TRAK1: variants seen among roughly 807,000 people sequenced by gnomAD.
The protein encoded by TRAK1 is trafficking kinesin-binding protein 1.
A neutral mutation model predicts 92.1 loss-of-function variants in TRAK1; 33 were observed. The ratio of observed to expected loss-of-function variants is 0.36; its 90% CI spans 0.27 to 0.48. The LOEUF is 0.48. Ranked by LOEUF, TRAK1 falls within the 20% of genes least tolerant of loss-of-function variation. The probability of loss-of-function intolerance (pLI) is 0.99; values close to 1 mark genes in which losing one functional copy is unlikely to be tolerated. For synonymous variants in TRAK1, 521 were observed against 517.3 expected, an observed-to-expected ratio of 1.01 and a Z score of -0.10; for missense variants, 1,123 against 1,257.9, an observed-to-expected ratio of 0.89 and a Z score of 1.62.
intron 14 of TRAK1, chr3:42,210,268 A>G: frequency 2.0e-6 from 3 of 1,521,714 alleles, no homozygotes; most frequent in Non-Finnish European, 2.6e-6. Context: ...TGATTAAAGC[A>G]TTCTCATTGC....
At chr3:42,130,587 G>A (rs903439987) in intron 2 of TRAK1, among the ~76,000 whole-genome samples, 1 of 152,058 alleles carries the variant, frequency 6.6e-6, no homozygotes, top group South Asian at 2.1e-4. Context: ...AACATCTCCT[G>A]GACTATTTAT....
chr3:42,134,367 T>G (rs1478088808), intron 2 of TRAK1, among the ~76,000 whole-genome samples: 1 of 151,186 alleles, frequency 6.6e-6, no homozygotes, highest in Non-Finnish European at 1.5e-5. Flanking sequence ...AGCCTTGACC[T>G]CTTGGCCTCA....
intron 1 of TRAK1, among the ~76,000 whole-genome samples, chr3:42,094,188 C>T (rs559629695): frequency 3.8e-4 from 58 of 152,288 alleles, no homozygotes; most frequent in African/African-American, 1.3e-3. Context: ...CTGGGAGTGA[C>T]TGAGAGGATT....
chr3:42,083,732 G>C (rs370544300), upstream of TRAK1, among the ~76,000 whole-genome samples: 182 of 152,126 alleles, frequency 1.2e-3, no homozygotes, highest in African/African-American at 4.2e-3. Context: ...AAAATTAGCC[G>C]GGTATGGTGG....
At chr3:42,178,939 C>T (rs1325238639) in intron 3 of TRAK1, among the ~76,000 whole-genome samples, 1 of 152,154 alleles carries the variant, frequency 6.6e-6, no homozygotes, top group East Asian at 1.9e-4. Context: ...CATGTCACTG[C>T]ACTCCACCTG....
rs377705877 is a variant in TRAK1 at position 42,214,770 on chromosome 3, T to C, written c.1964-4724T>C. Among the ~76,000 whole-genome samples the C allele has an allele frequency of 4.6e-5, 7 of 152,298 alleles. No homozygotes were observed. The South Asian group carries it at 1.5e-3, about 32-fold the overall frequency. The stretch of plus-strand genomic sequence containing the variant: ...CCCAGGTTCCTGCTGGCCAGATGTC[T>C]GATCACCGAGGAGCTCAGGGACCTC... On this transcript the variant is annotated intron_variant, in intron 14 of 15. Transcript: ENST00000327628.
chr3:42,053,377 G>A (rs1251664894), intron 1 of TRAK1, among the ~76,000 whole-genome samples: 4 of 84,158 alleles, frequency 4.8e-5, no homozygotes, highest in African/African-American at 3.1e-4. Flanking sequence ...GAGTCGGGTG[G>A]GGGGGGGGGG....
rs1671763843 is a variant in TRAK1 at position 42,125,627 on chromosome 3, C to T, written c.286+13C>T. 4 of 1,613,568 alleles carry T rather than the reference C, an allele frequency of 2.5e-6. No homozygotes were observed. Among genetic ancestry groups the T allele is most frequent in the Non-Finnish European group, 3.4e-6 (4 of 1,179,606 alleles). Reference sequence around the variant, plus strand: ...TTAAAATACTTCCGTAAGTAGTTGTCCATGTGTGTTGTGATGGCAGTATCA... The same window carrying T: ...TTAAAATACTTCCGTAAGTAGTTGTTCATGTGTGTTGTGATGGCAGTATCA... On this transcript the variant is annotated intron_variant, in intron 2 of 15. Coordinates refer to ENST00000327628, the MANE Select transcript of TRAK1 (RefSeq NM_001042646.3).
Position 42,031,288 on chromosome 3 carries a change from C to T in TRAK1, c.-519+17171C>T, listed in dbSNP as rs921105190. 2.6e-5 allele frequency among the ~76,000 whole-genome samples: 4 copies of T among 151,958 alleles called. No homozygotes were observed. In the South Asian group the frequency reaches 8.3e-4, roughly 32 times the overall value. On this transcript the variant is annotated intron_variant, in intron 1 of 16. Coordinates refer to the TRAK1 transcript ENST00000487159. ...GCCTGACCTTGTGATCCACCCGCCT[C>T]GACCTCCCAAAGTGCTGGGATTACA...
chr3:42,200,763 A>ACTC, intron 11 of TRAK1, 55 bp from the exon 12 acceptor site: 1 of 1,582,518 alleles, frequency 6.3e-7, no homozygotes. Flanking sequence ...GGAGGGTTAA[A>ACTC]CTCCAGGGTT....
chr3:42,200,889 C>T lies in TRAK1; in HGVS notation c.1262C>T (p.Ser421Phe). The T allele has an allele frequency of 6.2e-7, 1 of 1,614,206 alleles. No individual in the cohort carries two copies. The highest frequency in any genetic ancestry group is 8.5e-7 in the Non-Finnish European group (1 of 1,180,032). ...QVVKQRSLTP[S>F]PMNIPGSNQS... is the part of the protein sequence containing the mutation. ...GTCAAGCAGAGATCTCTGACCCCTT[C>T]TCCCATGAACATCCCCGGCTCCAAC... Residue 421 changes from serine to phenylalanine, a missense_variant, in exon 12 of 16, where the codon TCT becomes TTT. Around this residue, in one of 3 missense-constraint regions of TRAK1, gnomAD observed 686 missense variants for 747.6 expected, o/e 0.92. Coordinates refer to ENST00000327628, the MANE Select transcript of TRAK1 (RefSeq NM_001042646.3).
At chr3:42,151,978 T>A (rs1366855503) in intron 2 of TRAK1, among the ~76,000 whole-genome samples, 1 of 152,184 alleles carries the variant, frequency 6.6e-6, no homozygotes, top group East Asian at 1.9e-4. Context: ...GACTCACACT[T>A]AAATTGCAGT....
At chr3:42,145,097 G>A (rs929509821) in intron 2 of TRAK1, among the ~76,000 whole-genome samples, 7 of 152,084 alleles carry the variant, frequency 4.6e-5, no homozygotes, top group East Asian at 1.9e-4. Context: ...CCACCTCCTC[G>A]CCTCCCCAAA....
At chr3:42,212,485 T>A (rs1445611729) in intron 14 of TRAK1, 1 of 985,260 alleles carries the variant, frequency 1.0e-6, no homozygotes, top group Admixed American at 6.1e-5. Context: ...ACTGAAAAAA[T>A]TTGATTAATG....
intron 1 of TRAK1, among the ~76,000 whole-genome samples, chr3:42,030,377 A>ATGTG (rs1436527877): frequency 6.9e-6 from 1 of 145,952 alleles, no homozygotes; most frequent in African/African-American, 2.5e-5. Flanking sequence ...AAAAAAATAT[A>ATGTG]TATATATATA....
intron 1 of TRAK1, among the ~76,000 whole-genome samples, chr3:42,047,421 T>C (rs1702799561): frequency 6.6e-6 from 1 of 151,758 alleles, no homozygotes; most frequent in Non-Finnish European, 1.5e-5. Context: ...CCCAGGCTGG[T>C]CTTGAACTCC....
intron 2 of TRAK1, among the ~76,000 whole-genome samples, chr3:42,141,850 G>T (rs1698697927): frequency 6.6e-6 from 1 of 152,110 alleles, no homozygotes; most frequent in Non-Finnish European, 1.5e-5. Context: ...AATTACACCA[G>T]CAGGGCCGGG....
At chr3:42,187,994 G>T (rs541728677) in intron 4 of TRAK1, 51 bp from the exon 5 acceptor site, 10 of 1,487,344 alleles carry the variant, frequency 6.7e-6, no homozygotes, top group East Asian at 2.3e-5. Context: ...AGTCGGGGGG[G>T]ACAGTATCAC....
intron 4 of TRAK1, among the ~76,000 whole-genome samples, chr3:42,185,370 C>T (rs1415018317): frequency 6.6e-6 from 1 of 152,132 alleles, no homozygotes; most frequent in Non-Finnish European, 1.5e-5. Flanking sequence ...TGATAGAAAC[C>T]CTCTTATTTC....
Sources: allele counts gnomAD v4.1 joint callset (sites outside exome capture counted in the v4.1 genomes callset), GRCh38; gene constraint gnomAD v4.1.1; regional missense constraint gnomAD v4.1.1; transcripts MANE v1.5; gene names NCBI Gene and HGNC (gene_info 2026-07-23, HGNC 2026-07-21).